Variants in DNAH14 observed in about 807,000 individuals in gnomAD.
The protein encoded by DNAH14 is dynein axonemal heavy chain 14, also known as axonemal beta dynein heavy chain 14.
Under a neutral mutation model 520.9 loss-of-function variants are expected in DNAH14, and 478 were observed. The observed-to-expected ratio is 0.92, with a 90% CI of 0.85 to 0.99. The LOEUF (loss-of-function observed/expected upper bound fraction) is 0.99, where lower values mean the gene tolerates loss of function less well. DNAH14 is among the 50% of genes least tolerant of loss of function. The pLI is 0.00. For synonymous variants in DNAH14, 1,581 were observed against 1,757.2 expected (o/e 0.90, Z 2.51); for missense variants, 4,831 against 5,234.5 (o/e 0.92, Z 2.38).
chr1:225,162,579 A>G (rs1242192382), intron 35 of DNAH14, among the ~76,000 whole-genome samples: 1 of 152,102 alleles, frequency 6.6e-6, no homozygotes, highest in East Asian at 1.9e-4. Flanking sequence ...GAAGAATGTC[A>G]TTGGTATTTT....
At position 225,190,752 on chromosome 1, in the gene DNAH14, A is replaced by G. The variant is rs545074834; in HGVS notation, c.5671-1944A>G. Among the ~76,000 whole-genome samples, 10 of 152,182 alleles carry G rather than the reference A, an allele frequency of 6.6e-5. No homozygotes were observed. The South Asian group carries it at 1.9e-3, about 28-fold the overall frequency. On this transcript the variant is annotated intron_variant, in intron 37 of 85. Transcript: ENST00000682510. ...AAGACACAGTGAGAAGGCAGTTATC[A>G]GCAAGTCAAGGATTGAGGTCTTGAA...
chr1:225,164,076 T>C (rs1159692341), intron 35 of DNAH14, among the ~76,000 whole-genome samples: 1 of 152,220 alleles, frequency 6.6e-6, no homozygotes, highest in Non-Finnish European at 1.5e-5. Context: ...TTCAGAGATT[T>C]GATGTCTCTA....
chr1:224,987,708 C>G (rs1420010291), intron 8 of DNAH14, among the ~76,000 whole-genome samples: 1 of 152,118 alleles, frequency 6.6e-6, no homozygotes, highest in Non-Finnish European at 1.5e-5. Context: ...CTTGCTGCAA[C>G]CTCTGCCTCC....
At chr1:225,041,183 T>A (rs186925109) in intron 12 of DNAH14, among the ~76,000 whole-genome samples, 1 of 152,318 alleles carries the variant, frequency 6.6e-6, no homozygotes, top group East Asian at 1.9e-4. Flanking sequence ...TGCCCCTGCT[T>A]TGCCCTCTAG....
At chr1:225,078,825 C>CCT (rs2072665904) in intron 17 of DNAH14, among the ~76,000 whole-genome samples, 1 of 15,716 alleles carries the variant, frequency 6.4e-5, no homozygotes, top group Non-Finnish European at 1.5e-4. Context: ...TCTCTCTCTC[C>CCT]CTCTCTCTCT....
rs79382515 is a variant in DNAH14, at chr1:225,052,128, C to G, written c.2424+333C>G. Among the ~76,000 whole-genome samples the G allele has an allele frequency of 5.0e-3, 762 of 152,242 alleles. 6 individuals are homozygous for G. The highest frequency in any genetic ancestry group is 0.017 in the African/African-American group (720 of 41,538). Reference sequence around the variant, plus strand: ...ATTTATTTGTTTGTTTGTTGATCATCTATTCCATTAGAATGTAAGCTTCAT... The same window carrying G: ...ATTTATTTGTTTGTTTGTTGATCATGTATTCCATTAGAATGTAAGCTTCAT... On this transcript the variant is annotated intron_variant, in intron 17 of 85. Coordinates refer to ENST00000682510, the MANE Select transcript of DNAH14 (RefSeq NM_001367479.1).
At chr1:225,387,984 G>A (rs1320741019) in intron 81 of DNAH14, among the ~76,000 whole-genome samples, 1 of 152,170 alleles carries the variant, frequency 6.6e-6, no homozygotes, top group Admixed American at 6.5e-5. Context: ...GCAAAGGTAG[G>A]TAAGGGAGTA....
At chr1:225,107,218 G>C (rs2076135005) in intron 23 of DNAH14, among the ~76,000 whole-genome samples, 1 of 152,186 alleles carries the variant, frequency 6.6e-6, no homozygotes. Flanking sequence ...AAATGTTGCT[G>C]CCTGATCATT....
At chr1:225,388,781 A>AT (rs558034315) in intron 82 of DNAH14, among the ~76,000 whole-genome samples, 2,028 of 147,956 alleles carry the variant, frequency 0.014, 23 homozygotes, top group Non-Finnish European at 0.021. Flanking sequence ...GTTACATGTA[A>AT]TTTTTTTTTT....
intron 8 of DNAH14, among the ~76,000 whole-genome samples, chr1:225,001,638 T>C (rs1233368026): frequency 1.3e-5 from 2 of 152,126 alleles, no homozygotes; most frequent in Non-Finnish European, 2.9e-5. Context: ...TGTTGAAATA[T>C]GCAAACCAAA....
chr1:225,252,452 T>C lies in DNAH14; in HGVS notation c.6865+35T>C, dbSNP rs1357034828. 3 of 1,181,800 alleles carry C rather than the reference T, an allele frequency of 2.5e-6. No homozygotes were observed. The African/African-American group carries it at 4.6e-5, about 18-fold the overall frequency. The allele number at this position is 1,181,800 out of a possible 1,614,324, so 73.2% of individuals were successfully genotyped here. A position where few individuals can be genotyped will look rare whatever the true frequency, so the allele number is the denominator to read the frequency against. ...ATTATAAGAATCATACTTGTAACGT[T>C]AGAATATTGGGTATACTCTATTCAT... On this transcript the variant is annotated intron_variant, in intron 44 of 85. Transcript: ENST00000682510.
chr1:225,387,250 G>A (rs1012326715), intron 81 of DNAH14, among the ~76,000 whole-genome samples: 16 of 152,042 alleles, frequency 1.1e-4, no homozygotes, highest in African/African-American at 3.9e-4. Flanking sequence ...GTGGGGGGGA[G>A]GGGGAGGGAT....
At chr1:225,147,336 A>G in intron 31 of DNAH14, 87 bp downstream of exon 31, 1 of 1,346,162 alleles carries the variant, frequency 7.4e-7, no homozygotes. Flanking sequence ...ATTTTCCCCA[A>G]TAAGTGTTTA....
intron 17 of DNAH14, among the ~76,000 whole-genome samples, chr1:225,060,203 T>C (rs2069831033): frequency 6.6e-6 from 1 of 152,170 alleles, no homozygotes; most frequent in African/African-American, 2.4e-5. Flanking sequence ...CTTGGAGGCT[T>C]TGTTCATTTC....
At chr1:225,263,809 A>C (rs1171526258) in intron 46 of DNAH14, among the ~76,000 whole-genome samples, 1 of 152,106 alleles carries the variant, frequency 6.6e-6, no homozygotes, top group Non-Finnish European at 1.5e-5. Flanking sequence ...AAAGACAACT[A>C]TTTTCTATCA....
rs201333797 is a variant in DNAH14, at chr1:225,094,691, C to CA, written c.3574-2424dup. ...AAAAAAAAAAAAACAACAAAACAAA[C>CA]AAACAAAAAAACGCTATCAACAGAG... On this transcript the variant is annotated intron_variant, in intron 21 of 85. Coordinates refer to ENST00000682510, the MANE Select transcript of DNAH14 (RefSeq NM_001367479.1). Among the ~76,000 whole-genome samples the CA allele has an allele frequency of 1.3e-3, 88 of 68,010 alleles. 1 individual carries two copies. Among genetic ancestry groups the CA allele is most frequent in the African/African-American group, 6.7e-3 (65 of 9,638 alleles). 44.6% of individuals were successfully genotyped at this position (68,010 alleles called of 152,430 possible). A position where few individuals can be genotyped will look rare whatever the true frequency, so the allele number is the denominator to read the frequency against.
At chr1:225,021,813 C>G (rs1401516564) in intron 10 of DNAH14, among the ~76,000 whole-genome samples, 2 of 152,092 alleles carry the variant, frequency 1.3e-5, no homozygotes, top group South Asian at 2.1e-4. Context: ...ACCAAAGAAC[C>G]TGAATTGCCA....
At chr1:225,192,955 A>G in intron 38 of DNAH14, 44 bp downstream of exon 38, 1 of 1,395,966 alleles carries the variant, frequency 7.2e-7, no homozygotes, top group Non-Finnish European at 9.8e-7. Flanking sequence ...ACTAATGTGG[A>G]TTATTTAATT....
chr1:225,394,795 G>A (rs980483711), intron 84 of DNAH14, among the ~76,000 whole-genome samples: 5 of 150,118 alleles, frequency 3.3e-5, no homozygotes, highest in Non-Finnish European at 5.9e-5. Context: ...AGTGAGCAGA[G>A]ATCGTGCTAC....
Sources: allele counts gnomAD v4.1 joint callset (sites outside exome capture counted in the v4.1 genomes callset), GRCh38; gene constraint gnomAD v4.1.1; transcripts MANE v1.5; gene names NCBI Gene and HGNC (gene_info 2026-07-23, HGNC 2026-07-21).